The following ITGB8 variants were observed in gnomAD, a reference collection of about 807,000 sequenced individuals.
The protein encoded by ITGB8 is integrin subunit beta 8.
In ITGB8, 30 loss-of-function variants were observed where a neutral mutation model predicts 89.5. That is an observed-to-expected ratio of 0.34 (90% CI 0.25 to 0.45). The LOEUF (loss-of-function observed/expected upper bound fraction) is 0.45. ITGB8 is among the 20% of genes least tolerant of loss of function. ITGB8 has a pLI of 1.00. For synonymous variants in ITGB8, 335 were observed against 320.4 expected, an observed-to-expected ratio of 1.05 and a Z score of -0.49; for missense variants, 836 against 933.3, an observed-to-expected ratio of 0.90 and a Z score of 1.36.
At chr7:20,361,382 A>T (rs944992715) in intron 1 of ITGB8, among the ~76,000 whole-genome samples, 18 of 152,252 alleles carry the variant, frequency 1.2e-4, no homozygotes, top group African/African-American at 4.1e-4. Context: ...TGGGTAATTT[A>T]CAAACAATAC....
chr7:20,332,729 T>C (rs764525335), intron 1 of ITGB8, among the ~76,000 whole-genome samples: 2 of 152,202 alleles, frequency 1.3e-5, no homozygotes, highest in Non-Finnish European at 2.9e-5. Flanking sequence ...TCAAGTCAAA[T>C]AGCATATGAG....
chr7:20,365,602 T>C (rs1268276727), intron 2 of ITGB8: 1 of 152,192 alleles, frequency 6.6e-6, no homozygotes, highest in Admixed American at 6.5e-5. Flanking sequence ...TTTAGGACTA[T>C]ATATAGAACT....
At chr7:20,347,626 C>T (rs1314962335) in intron 1 of ITGB8, among the ~76,000 whole-genome samples, 1 of 152,168 alleles carries the variant, frequency 6.6e-6, no homozygotes, top group Non-Finnish European at 1.5e-5. Context: ...TAATGGAATA[C>T]ATCATTCAAG....
chr7:20,342,292 G>T (rs918941007), intron 1 of ITGB8, among the ~76,000 whole-genome samples: 2 of 152,136 alleles, frequency 1.3e-5, no homozygotes, highest in African/African-American at 4.8e-5. Flanking sequence ...TGACAATCTA[G>T]GAACTAAATA....
chr7:20,340,679 A>G (rs1357999939), intron 1 of ITGB8, among the ~76,000 whole-genome samples: 1 of 148,716 alleles, frequency 6.7e-6, no homozygotes, highest in African/African-American at 2.5e-5. Context: ...TCCCAGGTAA[A>G]GGCATTTTTT....
rs578226204 is a variant in ITGB8 at position 20,371,440 on chromosome 7, T to C, written c.388+4254T>C. Among the ~76,000 whole-genome samples, 3 of 152,260 alleles carry C rather than the reference T, an allele frequency of 2.0e-5. No homozygotes were observed. The East Asian group carries it at 5.8e-4, about 29-fold the overall frequency. ...ATATTCAAAAATCAGTGAATTTCCTTTGTAATATTAAATATAATGAAGAAA... is the reference window on the plus strand; with the variant it reads ...ATATTCAAAAATCAGTGAATTTCCTCTGTAATATTAAATATAATGAAGAAA... On this transcript the variant is annotated intron_variant, in intron 3 of 13. Coordinates refer to ENST00000222573, the MANE Select transcript of ITGB8 (RefSeq NM_002214.3).
intron 12 of ITGB8, among the ~76,000 whole-genome samples, chr7:20,407,317 G>A (rs1235724289): frequency 6.6e-6 from 1 of 150,908 alleles, no homozygotes; most frequent in African/African-American, 2.4e-5. Flanking sequence ...TGCAGTTTTT[G>A]TATATCAATG....
At chr7:20,330,201 G>A (rs551415003), upstream of ITGB8, among the ~76,000 whole-genome samples, 1 of 152,300 alleles carries the variant, frequency 6.6e-6, no homozygotes, top group South Asian at 2.1e-4. Context: ...CAGTCGCTCC[G>A]GGAACAGCCC....
In ITGB8 at chr7:20,391,781, G is replaced by A. The variant is rs189820001; in HGVS notation, c.1056+283G>A. Among the ~76,000 whole-genome samples the A allele has an allele frequency of 4.3e-4, 66 of 152,270 alleles. No individual in the cohort carries two copies. The East Asian group carries it at 0.012, about 27-fold the overall frequency. ...TTAGGGTGGTCTCAAATGTGACAATGGTGGAGAAGACTTATCAGGCAAAAA... is the reference window on the plus strand; with the variant it reads ...TTAGGGTGGTCTCAAATGTGACAATAGTGGAGAAGACTTATCAGGCAAAAA... On this transcript the variant is annotated intron_variant, in intron 7 of 13. Coordinates refer to ENST00000222573, the MANE Select transcript of ITGB8 (RefSeq NM_002214.3).
At chr7:20,347,432 C>T (rs536936987) in intron 1 of ITGB8, among the ~76,000 whole-genome samples, 22 of 151,964 alleles carry the variant, frequency 1.4e-4, no homozygotes, top group African/African-American at 5.1e-4. Context: ...AGCAAATGAT[C>T]GATAAGGAAG....
In ITGB8 at chr7:20,410,048, C is replaced by T. The variant is rs1787706096; in HGVS notation, c.*51C>T. 1 of 1,553,460 alleles carries T rather than the reference C, an allele frequency of 6.4e-7. No homozygotes were observed. Among genetic ancestry groups the T allele is most frequent in the Non-Finnish European group, 8.7e-7 (1 of 1,143,198 alleles). On this transcript the variant is annotated 3_prime_UTR_variant, in exon 14 of 14. Coordinates refer to ENST00000222573, the MANE Select transcript of ITGB8 (RefSeq NM_002214.3). The stretch of plus-strand genomic sequence containing the variant: ...GAAACTGGAATTGTTAATAATTGCT[C>T]CTAAAGATTATAATTTTAAAAGTCA...
At chr7:20,379,499 T>C in intron 4 of ITGB8, 1 of 230,604 alleles carries the variant, frequency 4.3e-6, no homozygotes, top group Non-Finnish European at 8.2e-6. Context: ...TTTATATTTC[T>C]TTAAATATTT....
chr7:20,380,687 G>A lies in ITGB8; in HGVS notation c.657G>A (p.Met219Ile), dbSNP rs761878183. ...NQCSDYNLDC[M>I]PPHGYIHVLS... is the part of the protein sequence containing the mutation. Reference sequence around the variant, plus strand: ...ACAGTGACTACAATTTAGACTGCATGCCTCCCCATGGATACATCCATGTGC... The same window carrying A: ...ACAGTGACTACAATTTAGACTGCATACCTCCCCATGGATACATCCATGTGC... Residue 219 changes from methionine (M) to isoleucine (I), a missense_variant, in exon 5 of 14, where the codon ATG (methionine) becomes ATA (isoleucine). By Grantham distance (10) the Met-to-Ile change is conservative. This residue lies in a region of ITGB8 where 192 missense variants were observed against 267.1 expected (regional missense o/e 0.72). Transcript: ENST00000222573. The A allele has an allele frequency of 9.9e-6, 16 of 1,613,300 alleles. No individual in the cohort carries two copies. In the East Asian group the frequency reaches 3.6e-4, roughly 36 times the overall value.
chr7:20,377,151 C>T (rs1214525432), intron 3 of ITGB8, among the ~76,000 whole-genome samples: 1 of 152,132 alleles, frequency 6.6e-6, no homozygotes, highest in Non-Finnish European at 1.5e-5. Context: ...TTGCTGAGGT[C>T]ACCAACCTAT....
Position 20,363,694 on chromosome 7 carries a change from G to C in ITGB8, c.185G>C (p.Gly62Ala). The stretch of plus-strand genomic sequence containing the variant: ...TCCTGTGCCAGGTGCCTTGCGCTGG[G>C]TCCAGAATGTGGATGGTGTGTTCAA... The part of the protein sequence containing the change: ...AASCARCLAL[G>A]PECGWCVQED... The change falls in exon 2 of 14, where the codon GGT (glycine) becomes GCT (alanine). Residue 62 changes from glycine to alanine, a missense_variant. By Grantham distance (60) the Gly-to-Ala change is moderately conservative. Coordinates refer to ENST00000222573, the MANE Select transcript of ITGB8 (RefSeq NM_002214.3). 6.2e-7 allele frequency: 1 copy of C among 1,604,702 alleles called. No individual in the cohort carries two copies. Among genetic ancestry groups the C allele is most frequent in the Non-Finnish European group, 8.5e-7 (1 of 1,177,234 alleles).
At chr7:20,398,564 CTG>C (rs1298600110) in intron 8 of ITGB8, among the ~76,000 whole-genome samples, 4 of 152,128 alleles carry the variant, frequency 2.6e-5, no homozygotes, top group African/African-American at 7.2e-5. Flanking sequence ...TTAAAAATGA[CTG>C]TTTTGTTAAC....
upstream of ITGB8, among the ~76,000 whole-genome samples, chr7:20,330,248 C>T (rs1784328354): frequency 6.6e-6 from 1 of 152,206 alleles, no homozygotes; most frequent in Non-Finnish European, 1.5e-5. Context: ...GCTAGGGACA[C>T]CGGGGCAGCC....
intron 6 of ITGB8, among the ~76,000 whole-genome samples, chr7:20,388,162 C>T (rs1013900806): frequency 7.9e-5 from 12 of 152,208 alleles, no homozygotes; most frequent in African/African-American, 2.9e-4. Context: ...CCTCTTCTTT[C>T]CTTCTGACAT....
At chr7:20,332,469 C>T (rs1232338518) in intron 1 of ITGB8, among the ~76,000 whole-genome samples, 1 of 149,052 alleles carries the variant, frequency 6.7e-6, no homozygotes, top group Non-Finnish European at 1.5e-5. Context: ...GATATTAATG[C>T]TTTAAGTCAT....
Sources: gnomAD v4.1 joint callset for allele counts (sites outside exome capture counted in the v4.1 genomes callset) on GRCh38, gnomAD v4.1.1 for gene constraint, gnomAD v4.1.1 regional missense constraint, MANE v1.5 for transcripts, NCBI Gene and HGNC (gene_info 2026-07-23, HGNC 2026-07-21) for gene names.